Variants in TAF4 observed in about 807,000 individuals in gnomAD.
TAF4 encodes the protein transcription initiation factor TFIID subunit 4.
In TAF4, 9 loss-of-function variants were observed where a neutral mutation model predicts 90.3. The observed-to-expected ratio is 0.10, with a 90% CI of 0.06 to 0.17. TAF4 has a LOEUF of 0.17. Among genes scored for constraint, TAF4 ranks in the 10% least tolerant of loss-of-function variants. TAF4 has a pLI of 1.00. For missense variants in TAF4, 1,351 were observed against 1,370.7 expected (o/e 0.99, Z 0.23); for synonymous variants, 818 against 638.9 (o/e 1.28, Z -4.23).
intron 14 of TAF4, among the ~76,000 whole-genome samples, chr20:61,994,039 C>G (rs1323391409): frequency 6.6e-6 from 1 of 151,882 alleles, no homozygotes; most frequent in Non-Finnish European, 1.5e-5. Flanking sequence ...CGTTCTAGTT[C>G]TCGAACTGAT....
chr20:62,007,010 A>C, intron 6 of TAF4: 1 of 405,932 alleles, frequency 2.5e-6, no homozygotes, highest in Non-Finnish European at 4.2e-6. Flanking sequence ...ATATTTTTAA[A>C]AAACTTTTTA....
intron 14 of TAF4, among the ~76,000 whole-genome samples, chr20:61,996,378 G>A (rs2055662832): frequency 6.6e-6 from 1 of 151,476 alleles, no homozygotes; most frequent in African/African-American, 2.4e-5. Context: ...GTGAGACCCT[G>A]CGTCTAAAAA....
intron 1 of TAF4, among the ~76,000 whole-genome samples, chr20:62,029,723 T>G (rs909088909): frequency 1.3e-4 from 19 of 151,970 alleles, no homozygotes; most frequent in African/African-American, 4.3e-4. Context: ...CTGGCCAACA[T>G]GACGAAACCC....
Position 62,065,723 on chromosome 20 carries a change from C to A in TAF4, c.88G>T (p.Glu30Ter). 1 of 1,311,716 alleles carries A rather than the reference C, an allele frequency of 7.6e-7. No individual in the cohort carries two copies. 81.3% of individuals were successfully genotyped at this position (1,311,716 alleles called of 1,614,324 possible). The part of the protein sequence containing the change: ...KVVSDLVGSL[E>*]SQLAASAAHH... Reference sequence around the variant, plus strand: ...GCCGCGCTGGCCGCCAGCTGCGACTCCAGCGAGCCCACCAGGTCGCTCACC... The same window carrying A: ...GCCGCGCTGGCCGCCAGCTGCGACTACAGCGAGCCCACCAGGTCGCTCACC... Residue 30 changes from glutamate to a stop codon, truncating the protein, a stop_gained, in exon 1 of 15, where the codon GAG becomes TAG. Transcript: ENST00000252996. LOFTEE classifies it high-confidence loss of function.
chr20:61,997,772 A>G lies in TAF4; in HGVS notation c.2971-103T>C, dbSNP rs780638806. On this transcript the variant is annotated intron_variant, in intron 13 of 14. Coordinates refer to ENST00000252996, the MANE Select transcript of TAF4 (RefSeq NM_003185.4). ...GAAAGGGTTTTCTGTAGTTTTCTAAATCATAACTTCTTTAATGTTTTGACT... is the reference window on the plus strand; with the variant it reads ...GAAAGGGTTTTCTGTAGTTTTCTAAGTCATAACTTCTTTAATGTTTTGACT... The G allele has an allele frequency of 1.4e-5, 19 of 1,377,688 alleles. No homozygotes were observed. The Admixed American group carries it at 2.7e-4, about 19-fold the overall frequency. 85.3% of individuals were successfully genotyped at this position (1,377,688 alleles called of 1,614,324 possible).
intron 11 of TAF4, 124 bp from the exon 12 acceptor site, chr20:61,999,232 G>A: frequency 7.8e-7 from 1 of 1,275,930 alleles, no homozygotes; most frequent in South Asian, 1.4e-5. Context: ...AATGCGGCGA[G>A]GACCCGATCC....
At position 62,006,344 on chromosome 20, in the gene TAF4, C is replaced by G. The variant is rs2055744957; in HGVS notation, c.2223+166G>C. ...AAATACAACATCCCAGGGCCTCAAC[C>G]TCTGGTTTCTATTTTAACTATTTAA... On this transcript the variant is annotated intron_variant, in intron 7 of 14. Coordinates refer to ENST00000252996, the MANE Select transcript of TAF4 (RefSeq NM_003185.4). This position sits in a 1 kb window ranked among gnomAD's most constrained non-coding sequence, Gnocchi z 7.0. The G allele has an allele frequency of 3.1e-6, 3 of 981,912 alleles. No individual in the cohort carries two copies. In the Admixed American group the frequency reaches 1.3e-4, roughly 41 times the overall value. 60.8% of individuals were successfully genotyped at this position (981,912 alleles called of 1,614,324 possible).
intron 1 of TAF4, among the ~76,000 whole-genome samples, chr20:62,040,583 C>A (rs1174249445): frequency 1.3e-5 from 2 of 152,214 alleles, no homozygotes; most frequent in Admixed American, 1.3e-4. Flanking sequence ...GAGAAAGGTG[C>A]GCTCTGCCAC....
intron 1 of TAF4, among the ~76,000 whole-genome samples, chr20:62,052,551 C>A (rs1175068216): frequency 1.3e-5 from 2 of 151,882 alleles, no homozygotes; most frequent in South Asian, 4.2e-4. Context: ...TGGGTCACTG[C>A]CTCCCCTGCA....
intron 9 of TAF4, among the ~76,000 whole-genome samples, chr20:62,001,562 G>C (rs1429172357): frequency 6.6e-6 from 1 of 152,154 alleles, no homozygotes; most frequent in Non-Finnish European, 1.5e-5. Flanking sequence ...CCGGGGGCCT[G>C]CCTGGCGTCT....
At chr20:61,994,805 C>T (rs750746778) in intron 14 of TAF4, among the ~76,000 whole-genome samples, 34 of 152,158 alleles carry the variant, frequency 2.2e-4, no homozygotes, top group Admixed American at 1.4e-3. Flanking sequence ...GCAGCTGCCA[C>T]GGGGCTGAGA....
intron 14 of TAF4, among the ~76,000 whole-genome samples, chr20:61,988,207 A>G (rs1178655620): frequency 2.0e-5 from 3 of 152,160 alleles, no homozygotes; most frequent in Non-Finnish European, 4.4e-5. Flanking sequence ...GAACTATGGA[A>G]GCTGGGTGAG....
At chr20:62,054,535 C>T (rs1298901942) in intron 1 of TAF4, among the ~76,000 whole-genome samples, 5 of 152,194 alleles carry the variant, frequency 3.3e-5, no homozygotes, top group African/African-American at 9.7e-5. Flanking sequence ...CTCTCAGCAA[C>T]GGCCACGCCA....
chr20:62,030,735 GTTGAA>G (rs2055900316), intron 1 of TAF4, among the ~76,000 whole-genome samples: 1 of 152,192 alleles, frequency 6.6e-6, no homozygotes, highest in Admixed American at 6.5e-5. Flanking sequence ...TGCCAATAAT[GTTGAA>G]TTGTCTTATC....
chr20:62,030,837 G>C (rs1223768244), intron 1 of TAF4, among the ~76,000 whole-genome samples: 3 of 152,178 alleles, frequency 2.0e-5, no homozygotes, highest in Admixed American at 1.3e-4. Flanking sequence ...GAACCTCATG[G>C]ATAAACACGT....
At chr20:62,037,669 TTTAA>T (rs2055940642) in intron 1 of TAF4, 1 of 186,742 alleles carries the variant, frequency 5.4e-6, no homozygotes, top group African/African-American at 2.3e-5. Context: ...TCTCCACATT[TTTAA>T]TTGTGTGCAG....
At chr20:61,980,579 G>A (rs2055534042) in intron 14 of TAF4, 1 of 152,316 alleles carries the variant, frequency 6.6e-6, no homozygotes, top group African/African-American at 2.4e-5. Flanking sequence ...AGCACGTTTT[G>A]AAGAACAGCA....
In TAF4 at chr20:62,004,328, C is replaced by CTTTTTTTT. The variant is rs60437230; in HGVS notation, c.2224-458_2224-451dup. On this transcript the variant is annotated intron_variant, in intron 7 of 14. Coordinates refer to ENST00000252996, the MANE Select transcript of TAF4 (RefSeq NM_003185.4). ...TGAATTTTCTTTTTTCTTTTCTTTTCTTTTTTTTTTTTTTTTTGAGACAAG... is the reference window on the plus strand; with the variant it reads ...TGAATTTTCTTTTTTCTTTTCTTTTCTTTTTTTTTTTTTTTTTTTTTTTTTGAGACAAG... Among the ~76,000 whole-genome samples the CTTTTTTTT allele has an allele frequency of 1.5e-3, 171 of 117,188 alleles. 8 individuals carry two copies. The highest frequency in any genetic ancestry group is 3.4e-3 in the East Asian group (14 of 4,164). 76.9% of individuals were successfully genotyped at this position (117,188 alleles called of 152,430 possible).
chr20:61,977,983 G>A (rs1389200382), intron 14 of TAF4, among the ~76,000 whole-genome samples: 1 of 152,248 alleles, frequency 6.6e-6, no homozygotes. Context: ...AAAGGCTGCC[G>A]AGGGTAAGAA....
Sources: gnomAD v4.1 joint callset for allele counts (sites outside exome capture counted in the v4.1 genomes callset) on GRCh38, gnomAD v4.1.1 for gene constraint, Gnocchi (gnomAD v3.1) non-coding constraint, MANE v1.5 for transcripts, NCBI Gene and HGNC (gene_info 2026-07-23, HGNC 2026-07-21) for gene names.